GABRA3: variants seen among roughly 807,000 people sequenced by gnomAD.
The protein encoded by GABRA3 is gamma-aminobutyric acid type A receptor subunit alpha3, also known as gamma-aminobutyric acid receptor subunit alpha-3.
In GABRA3, 10 loss-of-function variants were observed where a neutral mutation model predicts 30.1. The observed-to-expected ratio is 0.33, with a 90% CI of 0.20 to 0.56. The LOEUF (loss-of-function observed/expected upper bound fraction) is 0.56, where lower values mean the gene tolerates loss of function less well. GABRA3 is among the 20% of genes least tolerant of loss of function. GABRA3 has a pLI of 0.89. For missense variants in GABRA3, 233 were observed against 392.0 expected (o/e 0.59, Z 3.42); for synonymous variants, 151 against 146.8 (o/e 1.03, Z -0.21).
chrX:152,412,348 T>C (rs1179569774), intron 1 of GABRA3, among the ~76,000 whole-genome samples: 1 of 111,573 alleles, frequency 9.0e-6, no homozygotes, highest in East Asian at 2.8e-4. Flanking sequence ...TCAAAACACA[T>C]GTTCAAATGA....
intron 5 of GABRA3, among the ~76,000 whole-genome samples, chrX:152,225,327 C>G (rs1261271341): frequency 1.8e-5 from 2 of 109,877 alleles, no homozygotes; most frequent in Non-Finnish European, 3.8e-5. Flanking sequence ...CATAATTCTG[C>G]TGCTCACAGG....
At chrX:152,439,935 G>C (rs1221860368) in intron 1 of GABRA3, among the ~76,000 whole-genome samples, 1 of 111,563 alleles carries the variant, frequency 9.0e-6, no homozygotes, top group East Asian at 2.8e-4. Flanking sequence ...AGAAAACCTA[G>C]GCAATACCAT....
chrX:152,423,228 T>C (rs1166104285), intron 1 of GABRA3, among the ~76,000 whole-genome samples: 1 of 112,108 alleles, frequency 8.9e-6, no homozygotes, highest in African/African-American at 3.2e-5. Context: ...TTGTTGACAC[T>C]TGGGCACAAA....
At chrX:152,411,480 A>C (rs1012084134) in intron 1 of GABRA3, among the ~76,000 whole-genome samples, 1 of 112,089 alleles carries the variant, frequency 8.9e-6, no homozygotes, top group African/African-American at 3.2e-5. Flanking sequence ...TAGAGAAAAA[A>C]GAAAAAAATA....
chrX:152,329,590 A>C (rs987365722), intron 3 of GABRA3, among the ~76,000 whole-genome samples: 6 of 112,038 alleles, frequency 5.4e-5, no homozygotes, highest in African/African-American at 9.7e-5. Context: ...AAAACAAGAA[A>C]TGGGGAAAGG....
chrX:152,445,060 CAAA>C (rs1204814043), intron 1 of GABRA3, among the ~76,000 whole-genome samples: 1,077 of 18,485 alleles, frequency 0.058, 6 homozygotes, highest in African/African-American at 0.13. Context: ...GACTCCGTCT[CAAA>C]AAAAAAAAAA....
intron 1 of GABRA3, among the ~76,000 whole-genome samples, chrX:152,375,861 T>C (rs1489641762): frequency 8.9e-6 from 1 of 112,144 alleles, no homozygotes; most frequent in African/African-American, 3.2e-5. Flanking sequence ...ACTAGTATAT[T>C]CTTTCAGTAC....
chrX:152,281,239 T>G (rs1939193500), intron 4 of GABRA3, among the ~76,000 whole-genome samples: 1 of 111,985 alleles, frequency 8.9e-6, no homozygotes, highest in African/African-American at 3.2e-5. Context: ...TTTCTCTTAT[T>G]GCCATTTCCA....
chrX:152,416,326 G>A lies in GABRA3; in HGVS notation c.-27+34820C>T, dbSNP rs1487968935. Among the ~76,000 whole-genome samples the A allele has an allele frequency of 4.3e-5, 4 of 93,745 alleles. No individual in the cohort carries two copies. The Admixed American group carries it at 4.9e-4, about 11-fold the overall frequency. The allele number at this position is 93,745 out of a possible 115,157, so 81.4% of individuals were successfully genotyped here. A position where few individuals can be genotyped will look rare whatever the true frequency, so the allele number is the denominator to read the frequency against. ...AATCCAACTTACAAGGGATGTGAAG[G>A]ACCTCTTCAAGGAGAACTACAAACC... On this transcript the variant is annotated intron_variant, in intron 1 of 9. Coordinates refer to ENST00000370314, the MANE Select transcript of GABRA3 (RefSeq NM_000808.4).
At chrX:152,288,777 T>A (rs1210432848) in intron 3 of GABRA3, among the ~76,000 whole-genome samples, 1 of 112,195 alleles carries the variant, frequency 8.9e-6, no homozygotes, top group Non-Finnish European at 1.9e-5. Flanking sequence ...GAGACAAATA[T>A]GAAATTTTAA....
intron 2 of GABRA3, among the ~76,000 whole-genome samples, chrX:152,362,166 C>T (rs746430221): frequency 1.4e-3 from 159 of 110,639 alleles, no homozygotes; most frequent in African/African-American, 5.0e-3. Flanking sequence ...ACTCAGAGTA[C>T]ATTAAGATAA....
At chrX:152,253,294 C>A (rs956110652) in intron 5 of GABRA3, among the ~76,000 whole-genome samples, 1 of 111,669 alleles carries the variant, frequency 9.0e-6, no homozygotes, top group African/African-American at 3.3e-5. Flanking sequence ...CACTTTATAT[C>A]TCTACATTGT....
intron 1 of GABRA3, among the ~76,000 whole-genome samples, chrX:152,435,275 A>G (rs893268618): frequency 9.0e-6 from 1 of 111,165 alleles, no homozygotes; most frequent in Non-Finnish European, 1.9e-5. Flanking sequence ...AAATCACTCT[A>G]CTATAAAGGT....
intron 4 of GABRA3, among the ~76,000 whole-genome samples, chrX:152,274,778 G>A (rs1261531092): frequency 9.2e-6 from 1 of 109,272 alleles, no homozygotes; most frequent in Non-Finnish European, 1.9e-5. Flanking sequence ...CCCAAGGAAA[G>A]TAAAGAAAGA....
At chrX:152,388,949 G>A (rs1443660766) in intron 1 of GABRA3, among the ~76,000 whole-genome samples, 1 of 112,070 alleles carries the variant, frequency 8.9e-6, no homozygotes, top group Non-Finnish European at 1.9e-5. Context: ...TAGAAGAGCA[G>A]GCAAATGTGG....
chrX:152,339,104 T>C (rs1204606371), intron 3 of GABRA3, among the ~76,000 whole-genome samples: 1 of 111,710 alleles, frequency 9.0e-6, no homozygotes, highest in East Asian at 2.8e-4. Context: ...ACATTGAGTC[T>C]GTAAATTGCT....
intron 6 of GABRA3, among the ~76,000 whole-genome samples, chrX:152,215,217 A>G (rs1937698288): frequency 9.2e-6 from 1 of 108,792 alleles, no homozygotes; most frequent in Admixed American, 9.8e-5. Context: ...GAGACTGGGT[A>G]TCCTTGCCTT....
intron 4 of GABRA3, among the ~76,000 whole-genome samples, chrX:152,264,731 G>C (rs951109259): frequency 6.3e-5 from 7 of 110,965 alleles, no homozygotes; most frequent in African/African-American, 2.3e-4. Flanking sequence ...AAGAGCCAGT[G>C]GTCTGTTGCC....
In GABRA3 at chrX:152,274,702, G is replaced by T. The variant is rs780592679; in HGVS notation, c.330+9966C>A. ...TATTCATAAAGATGGCTTAAAGATA[G>T]CCTTTAAGGAAAAGGAAAACCAATA... On this transcript the variant is annotated intron_variant, in intron 4 of 9. Transcript: ENST00000370314. Among the ~76,000 whole-genome samples the T allele has an allele frequency of 1.1e-4, 12 of 110,235 alleles. No individual in the cohort carries two copies. The South Asian group carries it at 4.2e-3, about 38-fold the overall frequency.
Sources: gnomAD v4.1 joint callset for allele counts (sites outside exome capture counted in the v4.1 genomes callset) on GRCh38, gnomAD v4.1.1 for gene constraint, MANE v1.5 for transcripts, NCBI Gene and HGNC (gene_info 2026-07-23, HGNC 2026-07-21) for gene names.